The following TSG101 variants were observed in gnomAD, a reference collection of about 807,000 sequenced individuals.
TSG101 encodes the protein tumor susceptibility 101, also known as tumor susceptibility gene 101 protein.
Under a neutral mutation model 48.5 loss-of-function variants are expected in TSG101, and 19 were observed. The observed-to-expected ratio is 0.39, with a 90% CI of 0.27 to 0.58. TSG101 has a LOEUF of 0.58. TSG101 is among the 20% of genes least tolerant of loss of function. The probability of loss-of-function intolerance (pLI) is 0.55; values close to 1 mark genes in which losing one functional copy is unlikely to be tolerated. For missense variants in TSG101, 365 were observed against 484.4 expected (o/e 0.75, Z 2.31); for synonymous variants, 174 against 169.4 (o/e 1.03, Z -0.21).
intron 2 of TSG101, 34 bp from the exon 3 acceptor site, chr11:18,516,198 A>T (rs751970821): frequency 5.1e-6 from 8 of 1,569,724 alleles, no homozygotes; most frequent in African/African-American, 1.3e-5. Context: ...AATCATGAGC[A>T]TTTTTTAAGA....
chr11:18,522,616 T>C (rs1231039753), intron 1 of TSG101, among the ~76,000 whole-genome samples: 1 of 152,212 alleles, frequency 6.6e-6, no homozygotes, highest in Non-Finnish European at 1.5e-5. Context: ...CAGCATAGCA[T>C]CTAGAGTAAT....
At chr11:18,500,240 A>G (rs1273418454) in intron 7 of TSG101, among the ~76,000 whole-genome samples, 1 of 152,210 alleles carries the variant, frequency 6.6e-6, no homozygotes, top group Non-Finnish European at 1.5e-5. Flanking sequence ...ATAAATATTT[A>G]GGTTCACTCC....
chr11:18,505,904 G>A (rs549932740), intron 6 of TSG101, among the ~76,000 whole-genome samples: 2 of 152,082 alleles, frequency 1.3e-5, no homozygotes, highest in South Asian at 4.2e-4. Context: ...TGCAACCTCT[G>A]CCTCCTGGGT....
At chr11:18,525,075 C>T (rs967563131) in intron 1 of TSG101, among the ~76,000 whole-genome samples, 1 of 151,836 alleles carries the variant, frequency 6.6e-6, no homozygotes, top group African/African-American at 2.4e-5. Flanking sequence ...TCATGCCCGG[C>T]TAATTTTTGT....
chr11:18,510,584 C>T (rs1023097205), intron 4 of TSG101, among the ~76,000 whole-genome samples: 3 of 152,118 alleles, frequency 2.0e-5, no homozygotes, highest in African/African-American at 4.8e-5. Context: ...CTATTGAGCA[C>T]TGGCCAGGGG....
chr11:18,481,720 C>T lies in TSG101; in HGVS notation c.993G>A (p.Leu331=). 1 of 1,614,184 alleles carries T rather than the reference C, an allele frequency of 6.2e-7. No homozygotes were observed. Among genetic ancestry groups the T allele is most frequent in the Non-Finnish European group, 8.5e-7 (1 of 1,180,030 alleles). ...CTTCAATAGCGTTTTCTTCTGCATACAGATTCAGGATCTGTTTGTATAAGG... is the reference window on the plus strand; with the variant it reads ...CTTCAATAGCGTTTTCTTCTGCATATAGATTCAGGATCTGTTTGTATAAGG... ...TAPLYKQILN[L]YAEENAIEDT... The change falls in exon 9 of 10, where the codon CTG becomes CTA. Residue 331 remains leucine, a synonymous_variant. Transcript: ENST00000251968.
chr11:18,499,813 G>C (rs1376593896), intron 7 of TSG101, among the ~76,000 whole-genome samples: 1 of 151,916 alleles, frequency 6.6e-6, no homozygotes, highest in Non-Finnish European at 1.5e-5. Context: ...AGGGTATTTA[G>C]GGTATCCATC....
intron 6 of TSG101, among the ~76,000 whole-genome samples, chr11:18,504,162 T>C (rs2133920132): frequency 1.4e-5 from 2 of 140,112 alleles, no homozygotes; most frequent in East Asian, 2.1e-4. Context: ...ATTATGCCAC[T>C]GCACTCCAGC....
At chr11:18,497,923 T>G (rs1057085421) in intron 7 of TSG101, among the ~76,000 whole-genome samples, 2 of 152,108 alleles carry the variant, frequency 1.3e-5, no homozygotes, top group Admixed American at 6.6e-5. Flanking sequence ...GGGATGACAT[T>G]TACATCAGAC....
At chr11:18,514,928 T>C (rs143338814) in intron 3 of TSG101, 87 bp from the exon 4 acceptor site, 24 of 1,201,440 alleles carry the variant, frequency 2.0e-5, no homozygotes, top group Non-Finnish European at 2.5e-5. Context: ...TTAGTCTAGA[T>C]ACAATTTATA....
intron 9 of TSG101, 174 bp downstream of exon 9, chr11:18,481,456 C>T (rs2133899906): frequency 4.3e-6 from 6 of 1,411,606 alleles, no homozygotes; most frequent in East Asian, 5.2e-5. Flanking sequence ...GACCAATCCT[C>T]AGTACTCTGT....
At chr11:18,503,968 C>G (rs1245942778) in intron 6 of TSG101, among the ~76,000 whole-genome samples, 1 of 152,058 alleles carries the variant, frequency 6.6e-6, no homozygotes, top group Non-Finnish European at 1.5e-5. Context: ...CTTTGGGAGG[C>G]TGAGGCAGGT....
intron 7 of TSG101, among the ~76,000 whole-genome samples, chr11:18,488,848 G>A (rs1387044998): frequency 6.6e-6 from 1 of 152,088 alleles, no homozygotes; most frequent in Admixed American, 6.5e-5. Context: ...ATGGGGGGCC[G>A]GGCGCAGTGG....
chr11:18,490,223 A>G, intron 7 of TSG101: 1 of 499,026 alleles, frequency 2.0e-6, no homozygotes, highest in South Asian at 1.6e-5. Flanking sequence ...ATTACAAAGC[A>G]CAAGAAACAT....
intron 8 of TSG101, among the ~76,000 whole-genome samples, chr11:18,483,565 C>T (rs562049838): frequency 1.1e-4 from 16 of 150,980 alleles, no homozygotes; most frequent in African/African-American, 3.9e-4. Context: ...CCATGTGGAA[C>T]TGTAAGTCCA....
chr11:18,519,678 A>G, intron 1 of TSG101, 75 bp from the exon 2 acceptor site: 1 of 1,095,542 alleles, frequency 9.1e-7, no homozygotes, highest in Non-Finnish European at 1.4e-6. Context: ...ATTTTCTTAA[A>G]ATCTCTTCCA....
chr11:18,521,359 CTTTTTTTTTTTT>C lies in TSG101; in HGVS notation c.43-1768_43-1757del, dbSNP rs917563952. 3.2e-3 allele frequency among the ~76,000 whole-genome samples: 322 copies of C among 99,830 alleles called. 1 individual carries two copies. Among genetic ancestry groups the C allele is most frequent in the African/African-American group, 0.01 (294 of 28,608 alleles). The allele number at this position is 99,830 out of a possible 152,430, so 65.5% of individuals were successfully genotyped here. A position where few individuals can be genotyped will look rare whatever the true frequency, so the allele number is the denominator to read the frequency against. ...CAGCAATATTTGACCAAACTGATTCCTTTTTTTTTTTTTTTTTTTTTTTTTTTGAGATAGGGT... is the reference window on the plus strand; with the variant it reads ...CAGCAATATTTGACCAAACTGATTCCTTTTTTTTTTTTTTTGAGATAGGGT... On this transcript the variant is annotated intron_variant, in intron 1 of 9. Coordinates refer to ENST00000251968, the MANE Select transcript of TSG101 (RefSeq NM_006292.4).
chr11:18,482,571 G>A (rs960700271), intron 8 of TSG101, among the ~76,000 whole-genome samples: 14 of 152,198 alleles, frequency 9.2e-5, no homozygotes, highest in African/African-American at 3.4e-4. Context: ...CTTCAATTAT[G>A]CTGATGCTTC....
chr11:18,524,045 A>T (rs894034332), intron 1 of TSG101, among the ~76,000 whole-genome samples: 1 of 151,296 alleles, frequency 6.6e-6, no homozygotes, highest in Admixed American at 6.6e-5. Flanking sequence ...TCCCATCTCT[A>T]CCTCCCAAAG....
Sources: allele counts gnomAD v4.1 joint callset (sites outside exome capture counted in the v4.1 genomes callset), GRCh38; gene constraint gnomAD v4.1.1; transcripts MANE v1.5; gene names NCBI Gene and HGNC (gene_info 2026-07-23, HGNC 2026-07-21).